SPATS2L: variants seen among roughly 807,000 people sequenced by gnomAD.
The protein encoded by SPATS2L is spermatogenesis associated serine rich 2 like.
A neutral mutation model predicts 59.6 loss-of-function variants in SPATS2L; 30 were observed. The observed-to-expected ratio is 0.50, with a 90% CI of 0.38 to 0.68. The LOEUF (loss-of-function observed/expected upper bound fraction) is 0.68. Ranked by LOEUF, SPATS2L falls within the 30% of genes least tolerant of loss-of-function variation. The pLI is 0.00. For synonymous variants in SPATS2L, 252 were observed against 263.5 expected, an observed-to-expected ratio of 0.96 and a Z score of 0.42; for missense variants, 615 against 700.0, an observed-to-expected ratio of 0.88 and a Z score of 1.37.
intron 9 of SPATS2L, among the ~76,000 whole-genome samples, chr2:200,464,331 C>T (rs2086440806): frequency 6.6e-6 from 1 of 152,170 alleles, no homozygotes; most frequent in African/African-American, 2.4e-5. Flanking sequence ...ATGTAAAATG[C>T]ATTTTAACAC....
In SPATS2L at chr2:200,472,905, A is replaced by G; in HGVS notation, c.1134A>G (p.Ala378=). Residue 378 remains alanine (A), a synonymous_variant, in exon 12 of 13, where the codon GCA becomes GCG. Coordinates refer to ENST00000409140, the MANE Select transcript of SPATS2L (RefSeq NM_001100423.2). The part of the protein sequence containing the change: ...SSLLPLLNAH[A]ATSGKQSNFS... ...TGCTGCCTCTGCTGAATGCGCACGC[A>G]GCAACCTCTGGGAAACAGAGTAACT... 6.2e-7 allele frequency: 1 copy of G among 1,613,946 alleles called. No individual in the cohort carries two copies. Among genetic ancestry groups the G allele is most frequent in the South Asian group, 1.1e-5 (1 of 91,086 alleles).
At position 200,468,378 on chromosome 2, in the gene SPATS2L, A is replaced by ACACACACACACACACACACACACG. The variant is rs1187268085; in HGVS notation, c.957+980_957+981insACACACACACACACACACACACGC. Among the ~76,000 whole-genome samples, 24 of 151,394 alleles carry ACACACACACACACACACACACACG rather than the reference A, an allele frequency of 1.6e-4. 1 individual carries two copies. In the South Asian group the frequency reaches 2.8e-3, roughly 17 times the overall value. On this transcript the variant is annotated intron_variant, in intron 10 of 12. Transcript: ENST00000409140. ...CACACACACACACACACACACACACACGCCTTCCAGCTTCTTACCCACTTC... is the reference window on the plus strand; with the variant it reads ...CACACACACACACACACACACACACACACACACACACACACACACACACGCGCCTTCCAGCTTCTTACCCACTTC...
intron 9 of SPATS2L, among the ~76,000 whole-genome samples, chr2:200,465,818 G>A (rs182330459): frequency 5.9e-5 from 9 of 152,264 alleles, no homozygotes; most frequent in African/African-American, 2.2e-4. Flanking sequence ...AGATCACGAG[G>A]TCAGGAGATC....
At chr2:200,454,221 C>T (rs2085673437) in intron 8 of SPATS2L, among the ~76,000 whole-genome samples, 1 of 152,190 alleles carries the variant, frequency 6.6e-6, no homozygotes, top group Non-Finnish European at 1.5e-5. Flanking sequence ...TTGAGTTCTT[C>T]ACCTCCCCTT....
At chr2:200,354,363 C>G (rs1042025706) in intron 2 of SPATS2L, among the ~76,000 whole-genome samples, 1 of 152,156 alleles carries the variant, frequency 6.6e-6, no homozygotes, top group African/African-American at 2.4e-5. Flanking sequence ...AATCCCAGCA[C>G]TTTGGAAGAC....
At chr2:200,396,447 C>T (rs752693084) in intron 3 of SPATS2L, among the ~76,000 whole-genome samples, 20 of 152,050 alleles carry the variant, frequency 1.3e-4, no homozygotes, top group Non-Finnish European at 2.6e-4. Context: ...GTCTGTGTGT[C>T]GTGGTGTCTG....
chr2:200,306,102 G>C (rs1574340659), upstream of SPATS2L: 1 of 986,210 alleles, frequency 1.0e-6, no homozygotes, highest in Non-Finnish European at 1.2e-6. Context: ...ACCCCGGGTT[G>C]GTCGGGTTTC....
chr2:200,307,291 C>T (rs1222798692), intron 1 of SPATS2L, among the ~76,000 whole-genome samples: 3 of 151,434 alleles, frequency 2.0e-5, no homozygotes, highest in African/African-American at 7.3e-5. Flanking sequence ...CGCCTGCCGT[C>T]CTCCCGCGCG....
At chr2:200,425,119 G>GT (rs1242714466) in intron 6 of SPATS2L, among the ~76,000 whole-genome samples, 1 of 26,602 alleles carries the variant, frequency 3.8e-5, no homozygotes, top group African/African-American at 1.4e-4. Flanking sequence ...TAGAATGTTA[G>GT]TTCCCCCCGC....
intron 6 of SPATS2L, among the ~76,000 whole-genome samples, chr2:200,438,388 T>C (rs941478806): frequency 4.2e-4 from 64 of 152,194 alleles, no homozygotes; most frequent in African/African-American, 1.5e-3. Flanking sequence ...TTAAGAGTGA[T>C]ACATTTCCGT....
chr2:200,372,622 G>T (rs10497857), intron 2 of SPATS2L, among the ~76,000 whole-genome samples: 37,423 of 152,030 alleles, frequency 0.25, 5,790 homozygotes, highest in South Asian at 0.36. Context: ...GTTGCAACTG[G>T]AATGAACCCT....
chr2:200,427,978 G>A (rs1379858716), intron 6 of SPATS2L, among the ~76,000 whole-genome samples: 1 of 152,046 alleles, frequency 6.6e-6, no homozygotes, highest in African/African-American at 2.4e-5. Context: ...AGGCTGAGGT[G>A]GGAGGATCAC....
intron 3 of SPATS2L, among the ~76,000 whole-genome samples, chr2:200,391,084 T>C (rs62279293): frequency 0.11 from 16,779 of 152,110 alleles, 1,003 homozygotes; most frequent in Middle Eastern, 0.13. Flanking sequence ...CGCTTATACC[T>C]GGGAGGCAGA....
chr2:200,479,408 A>G lies in SPATS2L; in HGVS notation c.*1377A>G, dbSNP rs58702724. On this transcript the variant is annotated 3_prime_UTR_variant, in exon 13 of 13. Coordinates refer to ENST00000409140, the MANE Select transcript of SPATS2L (RefSeq NM_001100423.2). ...AAAGGTCTTGCATACCATTGCTGGTAGGCCTGTCTCTTAAACCAATCATGA... is the reference window on the plus strand; with the variant it reads ...AAAGGTCTTGCATACCATTGCTGGTGGGCCTGTCTCTTAAACCAATCATGA... 0.029 allele frequency: 11,422 copies of G among 397,174 alleles called. 441 individuals carry two copies. The highest frequency in any genetic ancestry group is 0.15 in the East Asian group (4,214 of 28,018). The allele number at this position is 397,174 out of a possible 1,614,324, so 24.6% of individuals were successfully genotyped here. A position where few individuals can be genotyped will look rare whatever the true frequency, so the allele number is the denominator to read the frequency against.
chr2:200,324,092 C>T (rs1224687897), intron 1 of SPATS2L, among the ~76,000 whole-genome samples: 1 of 152,166 alleles, frequency 6.6e-6, no homozygotes, highest in East Asian at 1.9e-4. Context: ...CACTGACTCC[C>T]TTATCCTGGG....
intron 2 of SPATS2L, among the ~76,000 whole-genome samples, chr2:200,369,346 A>G (rs2081356776): frequency 6.6e-6 from 1 of 152,114 alleles, no homozygotes; most frequent in African/African-American, 2.4e-5. Context: ...TTTAGTAGAA[A>G]CAGGGTTTCA....
At chr2:200,313,175 A>G (rs752522322) in intron 1 of SPATS2L, among the ~76,000 whole-genome samples, 4 of 152,202 alleles carry the variant, frequency 2.6e-5, no homozygotes, top group Non-Finnish European at 4.4e-5. Flanking sequence ...ACAGAAACCA[A>G]CAAGTCAGAG....
chr2:200,339,458 T>G (rs1289435093), intron 2 of SPATS2L, among the ~76,000 whole-genome samples: 1 of 152,212 alleles, frequency 6.6e-6, no homozygotes, highest in Non-Finnish European at 1.5e-5. Flanking sequence ...TGGGAACTTC[T>G]TAATGAGATG....
intron 2 of SPATS2L, among the ~76,000 whole-genome samples, chr2:200,388,973 C>G (rs984328421): frequency 6.6e-6 from 1 of 152,102 alleles, no homozygotes; most frequent in Admixed American, 6.6e-5. Flanking sequence ...TAGATAAATT[C>G]CCATCTGTCT....
Sources: allele counts gnomAD v4.1 joint callset (sites outside exome capture counted in the v4.1 genomes callset), GRCh38; gene constraint gnomAD v4.1.1; transcripts MANE v1.5; gene names NCBI Gene and HGNC (gene_info 2026-07-23, HGNC 2026-07-21).